Variants in NCKAP5 observed in about 807,000 individuals in gnomAD.
The protein encoded by NCKAP5 is NCK associated protein 5.
NCKAP5 carries 92 observed loss-of-function variants against 167.0 expected under a neutral mutation model. That is an observed-to-expected ratio of 0.55 (90% confidence interval 0.47 to 0.66). The LOEUF (loss-of-function observed/expected upper bound fraction) is 0.66, where lower values mean the gene tolerates loss of function less well. Ranked by LOEUF, NCKAP5 falls within the 30% of genes least tolerant of loss-of-function variation. The probability of loss-of-function intolerance (pLI) is 0.00; values close to 1 mark genes in which losing one functional copy is unlikely to be tolerated. For synonymous variants in NCKAP5, 891 were observed against 877.4 expected (o/e 1.02, Z -0.27); for missense variants, 2,378 against 2,315.0 (o/e 1.03, Z -0.56).
chr2:132,921,944 G>A lies in NCKAP5; in HGVS notation c.579+41776C>T, dbSNP rs1574640286. On this transcript the variant is annotated intron_variant, in intron 8 of 19. Transcript: ENST00000409261. ...AGAGTCAATATCAGGACTTTTGCTG[G>A]GAGGTGCTTAGTTTCCACGGACATG... Among the ~76,000 whole-genome samples the A allele has an allele frequency of 2.0e-5, 3 of 152,150 alleles. No homozygotes were observed. In the South Asian group the frequency reaches 6.2e-4, roughly 32 times the overall value.
chr2:132,908,582 T>C (rs568876854), intron 8 of NCKAP5, among the ~76,000 whole-genome samples: 1 of 152,346 alleles, frequency 6.6e-6, no homozygotes, highest in South Asian at 2.1e-4. Flanking sequence ...ATGCTAATTG[T>C]TTTTAAGCCT....
chr2:132,732,158 G>A, intron 16 of NCKAP5, 107 bp from the exon 17 acceptor site: 1 of 1,092,924 alleles, frequency 9.1e-7, no homozygotes, highest in Admixed American at 3.0e-5. Context: ...ACACCTAGAA[G>A]GGTGAATTTA....
chr2:133,111,662 C>T (rs1413717536), intron 6 of NCKAP5, among the ~76,000 whole-genome samples: 2 of 152,178 alleles, frequency 1.3e-5, no homozygotes, highest in South Asian at 2.1e-4. Context: ...TCTGTCATAG[C>T]GGCATAACCC....
intron 6 of NCKAP5, among the ~76,000 whole-genome samples, chr2:133,046,892 G>C (rs1257507075): frequency 6.6e-6 from 1 of 152,180 alleles, no homozygotes; most frequent in East Asian, 1.9e-4. Context: ...ATTTTCGTTG[G>C]AGTTAGTGTA....
chr2:133,203,553 G>A (rs1481054156), intron 5 of NCKAP5, among the ~76,000 whole-genome samples: 1 of 151,854 alleles, frequency 6.6e-6, no homozygotes, highest in Admixed American at 6.6e-5. Flanking sequence ...TAAAAAAAAA[G>A]AAAGTTGTCT....
intron 19 of NCKAP5, among the ~76,000 whole-genome samples, chr2:132,722,696 C>G (rs10195612): frequency 0.017 from 2,546 of 152,270 alleles, 53 homozygotes; most frequent in African/African-American, 0.057. Flanking sequence ...CCACGCAGAA[C>G]TCCCATTTCA....
chr2:132,719,680 G>A (rs570962819), intron 19 of NCKAP5, among the ~76,000 whole-genome samples: 1 of 152,370 alleles, frequency 6.6e-6, no homozygotes, highest in Non-Finnish European at 1.5e-5. Flanking sequence ...TGGGGGCCAA[G>A]GCCGAGGCAG....
intron 6 of NCKAP5, among the ~76,000 whole-genome samples, chr2:133,110,039 A>G (rs1402341629): frequency 6.6e-6 from 1 of 152,212 alleles, no homozygotes; most frequent in Non-Finnish European, 1.5e-5. Context: ...CACATTACTC[A>G]TCATCTGCCA....
At chr2:132,922,935 C>A (rs1390422476) in intron 8 of NCKAP5, among the ~76,000 whole-genome samples, 1 of 152,156 alleles carries the variant, frequency 6.6e-6, no homozygotes, top group Non-Finnish European at 1.5e-5. Context: ...GGAGTGGGGG[C>A]TGGAGGGATG....
At chr2:133,563,264 C>A (rs531344840) in intron 1 of NCKAP5, among the ~76,000 whole-genome samples, 2 of 152,238 alleles carry the variant, frequency 1.3e-5, no homozygotes, top group African/African-American at 4.8e-5. Context: ...TAAACTTGGG[C>A]TACTCTACAA....
rs78719958 is a variant in NCKAP5 at position 132,841,889 on chromosome 2, C to T, written c.807+18603G>A. On this transcript the variant is annotated intron_variant, in intron 11 of 19. Coordinates refer to ENST00000409261, the MANE Select transcript of NCKAP5 (RefSeq NM_207363.3). ...ATTTAGTATAATGTATCTTTAAAGACATTTCTTTATTCTATTTGTTAATAT... is the reference window on the plus strand; with the variant it reads ...ATTTAGTATAATGTATCTTTAAAGATATTTCTTTATTCTATTTGTTAATAT... 2.8e-3 allele frequency among the ~76,000 whole-genome samples: 420 copies of T among 152,150 alleles called. 1 individual carries two copies. The highest frequency in any genetic ancestry group is 9.6e-3 in the African/African-American group (399 of 41,564).
chr2:133,654,377 C>CAAATAAATAAAT, the NCKAP5 span, among the ~76,000 whole-genome samples: 492 of 146,760 alleles, frequency 3.4e-3, 1 homozygote, highest in Non-Finnish European at 5.2e-3. Flanking sequence ...GACTCTATCT[C>CAAATAAATAAAT]AAATAAATAA....
Position 133,263,466 on chromosome 2 carries a change from C to T in NCKAP5, c.143+39571G>A, listed in dbSNP as rs140340862. ...CCAGCCCCCAGCCATAATAATCTCC[C>T]TATGGTATACCACCCTGCTTGTAAA... On this transcript the variant is annotated intron_variant, in intron 4 of 19. Transcript: ENST00000409261. Among the ~76,000 whole-genome samples the T allele has an allele frequency of 1.8e-3, 276 of 152,058 alleles. 1 individual carries two copies. The highest frequency in any genetic ancestry group is 7.1e-3 in the South Asian group (34 of 4,816).
intron 15 of NCKAP5, among the ~76,000 whole-genome samples, chr2:132,777,887 G>A (rs1468335403): frequency 5.3e-5 from 8 of 151,874 alleles, no homozygotes; most frequent in Non-Finnish European, 1.0e-4. Flanking sequence ...TGGGTAAAGA[G>A]AATACCCATA....
intron 6 of NCKAP5, among the ~76,000 whole-genome samples, chr2:133,072,506 C>G (rs1393564844): frequency 1.3e-5 from 2 of 152,150 alleles, no homozygotes; most frequent in Non-Finnish European, 2.9e-5. Context: ...CCACCCCACT[C>G]CCCGATCGTC....
chr2:133,216,210 C>T (rs1480257814), intron 4 of NCKAP5, among the ~76,000 whole-genome samples: 2 of 151,976 alleles, frequency 1.3e-5, no homozygotes, highest in African/African-American at 2.4e-5. Flanking sequence ...ACATATAACT[C>T]TACCAAATAA....
Position 133,411,139 on chromosome 2 carries a change from A to T in NCKAP5, c.69+106319T>A, listed in dbSNP as rs76829852. On this transcript the variant is annotated intron_variant, in intron 3 of 19. Coordinates refer to ENST00000409261, the MANE Select transcript of NCKAP5 (RefSeq NM_207363.3). ...CACTTATAAAATGAGGATCATAATGATCCATCTTGCATCTTCTTATTTTCC... is the reference window on the plus strand; with the variant it reads ...CACTTATAAAATGAGGATCATAATGTTCCATCTTGCATCTTCTTATTTTCC... Among the ~76,000 whole-genome samples the T allele has an allele frequency of 9.4e-3, 1,434 of 152,268 alleles. 24 individuals carry two copies. Among genetic ancestry groups the T allele is most frequent in the African/African-American group, 0.033 (1,358 of 41,544 alleles).
intron 5 of NCKAP5, among the ~76,000 whole-genome samples, chr2:133,139,351 G>T (rs2082913048): frequency 6.6e-6 from 1 of 152,330 alleles, no homozygotes; most frequent in South Asian, 2.1e-4. Context: ...GGGTGTGTGT[G>T]TATACACATA....
intron 9 of NCKAP5, among the ~76,000 whole-genome samples, chr2:132,872,512 A>G (rs1690906377): frequency 6.6e-6 from 1 of 152,192 alleles, no homozygotes; most frequent in African/African-American, 2.4e-5. Flanking sequence ...GCTGAATAAG[A>G]AGCCACACTA....
Sources: allele counts gnomAD v4.1 joint callset (sites outside exome capture counted in the v4.1 genomes callset), GRCh38; gene constraint gnomAD v4.1.1; transcripts MANE v1.5; gene names NCBI Gene and HGNC (gene_info 2026-07-23, HGNC 2026-07-21).